Variants in SLIT3 observed in about 807,000 individuals in gnomAD.
SLIT3 encodes slit guidance ligand 3, also known as slit homolog 3 protein.
In SLIT3, 68 loss-of-function variants were observed where a neutral mutation model predicts 184.0. That is an observed-to-expected ratio of 0.37 (90% CI 0.30 to 0.45). The LOEUF (loss-of-function observed/expected upper bound fraction) is 0.45, where lower values mean the gene tolerates loss of function less well. Among genes scored for constraint, SLIT3 ranks in the 20% least tolerant of loss-of-function variants. SLIT3 has a pLI of 1.00. For missense variants in SLIT3, 1,707 were observed against 2,026.0 expected (o/e 0.84, Z 3.02); for synonymous variants, 831 against 828.6 (o/e 1.00, Z -0.05).
chr5:169,249,658 T>C (rs544451158), intron 2 of SLIT3, among the ~76,000 whole-genome samples: 6 of 152,262 alleles, frequency 3.9e-5, no homozygotes, highest in Middle Eastern at 3.4e-3. Context: ...GCAAATGACA[T>C]AGAATCAAGA....
At chr5:169,286,585 G>A (rs1482337287) in intron 1 of SLIT3, among the ~76,000 whole-genome samples, 2 of 152,218 alleles carry the variant, frequency 1.3e-5, no homozygotes, top group Non-Finnish European at 2.9e-5. Flanking sequence ...GGCCCAGGGA[G>A]GTCAAATGAC....
At chr5:168,995,405 G>A (rs886102014) in intron 4 of SLIT3, 2 of 152,170 alleles carry the variant, frequency 1.3e-5, no homozygotes, top group African/African-American at 4.8e-5. Context: ...TTTAATAAAC[G>A]ATTACATTTA....
At chr5:169,005,551 T>C (rs534117880) in intron 4 of SLIT3, among the ~76,000 whole-genome samples, 1 of 152,280 alleles carries the variant, frequency 6.6e-6, no homozygotes, top group South Asian at 2.1e-4. Flanking sequence ...ATGGAGACAA[T>C]ACATTCAACT....
intron 4 of SLIT3, among the ~76,000 whole-genome samples, chr5:169,118,663 C>G (rs529986363): frequency 2.9e-4 from 44 of 152,278 alleles, no homozygotes; most frequent in African/African-American, 1.0e-3. Flanking sequence ...AGGACCTTGG[C>G]CATCACTAGA....
chr5:169,045,145 A>T (rs1757584914), intron 4 of SLIT3, among the ~76,000 whole-genome samples: 1 of 152,180 alleles, frequency 6.6e-6, no homozygotes, highest in African/African-American at 2.4e-5. Context: ...TGTGACAGCA[A>T]CAGAAGACGA....
At chr5:168,884,349 G>T (rs547658792) in intron 4 of SLIT3, among the ~76,000 whole-genome samples, 1 of 150,602 alleles carries the variant, frequency 6.6e-6, no homozygotes. Flanking sequence ...TGGTCGGGGG[G>T]TGCAGAGCCG....
intron 6 of SLIT3, among the ~76,000 whole-genome samples, chr5:168,824,461 C>G (rs563460190): frequency 2.0e-5 from 3 of 152,216 alleles, no homozygotes; most frequent in Non-Finnish European, 4.4e-5. Flanking sequence ...CGGGCTTACC[C>G]TTCTGGAGAA....
At chr5:169,176,896 C>G (rs1763004153) in intron 4 of SLIT3, among the ~76,000 whole-genome samples, 1 of 152,186 alleles carries the variant, frequency 6.6e-6, no homozygotes, top group Non-Finnish European at 1.5e-5. Context: ...CTGCCAGCAC[C>G]CTCTTAGAAA....
Position 168,789,541 on chromosome 5 carries a change from C to T in SLIT3, c.1079+19G>A. 6.2e-7 allele frequency: 1 copy of T among 1,605,720 alleles called. No individual in the cohort carries two copies. Among genetic ancestry groups the T allele is most frequent in the South Asian group, 1.1e-5 (1 of 89,932 alleles). On this transcript the variant is annotated intron_variant, in intron 11 of 35. Coordinates refer to ENST00000519560, the MANE Select transcript of SLIT3 (RefSeq NM_003062.4). ...CCCCCCCTCCCCTCACCTCAGGCCC[C>T]AACTCGGGCCCCACTTACAGCGATG...
At chr5:169,019,065 G>T in intron 4 of SLIT3, among the ~76,000 whole-genome samples, 1 of 152,128 alleles carries the variant, frequency 6.6e-6, no homozygotes, top group East Asian at 1.9e-4. Flanking sequence ...CCTTGTACAG[G>T]GCTACATCTT....
At chr5:168,900,319 A>G (rs1302846585) in intron 4 of SLIT3, among the ~76,000 whole-genome samples, 1 of 152,198 alleles carries the variant, frequency 6.6e-6, no homozygotes, top group Non-Finnish European at 1.5e-5. Context: ...ATTATTATAT[A>G]AAAAGATACT....
chr5:168,760,790 G>T, intron 16 of SLIT3, 72 bp downstream of exon 16: 1 of 1,127,966 alleles, frequency 8.9e-7, no homozygotes, highest in Non-Finnish European at 1.3e-6. Flanking sequence ...CGGTCCCCTG[G>T]TTCCTCTAGT....
At chr5:169,118,354 T>TG (rs1760765737) in intron 4 of SLIT3, among the ~76,000 whole-genome samples, 1 of 152,182 alleles carries the variant, frequency 6.6e-6, no homozygotes. Flanking sequence ...GCTAAGACCA[T>TG]GCATTGGTTG....
At chr5:168,773,136 A>G (rs1581065646) in intron 13 of SLIT3, among the ~76,000 whole-genome samples, 192 bp from the exon 14 acceptor site, 2 of 152,212 alleles carry the variant, frequency 1.3e-5, no homozygotes, top group Admixed American at 1.3e-4. Context: ...GCTGTCTGCA[A>G]AAGACAGTCA....
At chr5:169,104,866 C>A (rs908608953) in intron 4 of SLIT3, among the ~76,000 whole-genome samples, 1 of 152,202 alleles carries the variant, frequency 6.6e-6, no homozygotes, top group Non-Finnish European at 1.5e-5. Context: ...GCTGGGCTAA[C>A]CTGCCCCACA....
In SLIT3 at chr5:169,070,812, AAAAG is replaced by A. The variant is rs1302373746; in HGVS notation, c.413+122663_413+122666del. ...ACATTTTCCTCAAAAAAAAAAAAAA[AAAAG>A]AAACAAAAAACAAAAACAAAAAACA... is the stretch of plus-strand genomic sequence containing the variant. On this transcript the variant is annotated intron_variant, in intron 4 of 35. Transcript: ENST00000519560. Among the ~76,000 whole-genome samples the A allele has an allele frequency of 2.9e-3, 433 of 151,490 alleles. 2 individuals carry two copies. The highest frequency in any genetic ancestry group is 6.8e-3 in the Middle Eastern group (2 of 294).
chr5:169,256,672 A>G lies in SLIT3; in HGVS notation c.198-5213T>C, dbSNP rs553158256. On this transcript the variant is annotated intron_variant, in intron 1 of 35. Transcript: ENST00000519560. ...GCCACCTTCTGAATACACAATATTT[A>G]CCATTAGCAATGGAACCCCATTCAC... Among the ~76,000 whole-genome samples the G allele has an allele frequency of 3.9e-5, 6 of 152,320 alleles. No individual in the cohort carries two copies. In the South Asian group the frequency reaches 6.2e-4, roughly 16 times the overall value.
intron 15 of SLIT3, among the ~76,000 whole-genome samples, chr5:168,761,452 T>A (rs1755144730): frequency 6.6e-6 from 1 of 152,046 alleles, no homozygotes; most frequent in Admixed American, 6.5e-5. Context: ...ACAATAATAA[T>A]AATAATGAAG....
chr5:169,284,029 C>G (rs1767078384), intron 1 of SLIT3, among the ~76,000 whole-genome samples: 1 of 152,102 alleles, frequency 6.6e-6, no homozygotes, highest in African/African-American at 2.4e-5. Context: ...ACCACAAAGA[C>G]AAGGCTGGTA....
Sources: gnomAD v4.1 joint callset for allele counts (sites outside exome capture counted in the v4.1 genomes callset) on GRCh38, gnomAD v4.1.1 for gene constraint, MANE v1.5 for transcripts, NCBI Gene and HGNC (gene_info 2026-07-23, HGNC 2026-07-21) for gene names.